The following LCORL variants were observed in gnomAD, a reference collection of about 807,000 sequenced individuals.
LCORL encodes the protein ligand-dependent nuclear receptor corepressor-like protein.
A neutral mutation model predicts 141.8 loss-of-function variants in LCORL; 41 were observed. The observed-to-expected ratio is 0.29, with a 90% CI of 0.23 to 0.38. The LOEUF (loss-of-function observed/expected upper bound fraction) is 0.38, where lower values mean the gene tolerates loss of function less well. Among genes scored for constraint, LCORL ranks in the 10% least tolerant of loss-of-function variants. The probability of loss-of-function intolerance (pLI) is 1.00; values close to 1 mark genes in which losing one functional copy is unlikely to be tolerated. For synonymous variants in LCORL, 618 were observed against 694.1 expected, an observed-to-expected ratio of 0.89 and a Z score of 1.72; for missense variants, 1,759 against 2,035.0, an observed-to-expected ratio of 0.86 and a Z score of 2.61.
intron 1 of LCORL, among the ~76,000 whole-genome samples, chr4:17,999,490 C>T (rs1721569881): frequency 6.6e-6 from 1 of 151,886 alleles, no homozygotes; most frequent in Non-Finnish European, 1.5e-5. Flanking sequence ...GAAGACATCA[C>T]TAGGTGATAG....
chr4:17,932,508 G>C (rs1217052118), intron 4 of LCORL, among the ~76,000 whole-genome samples: 3 of 152,106 alleles, frequency 2.0e-5, no homozygotes, highest in Non-Finnish European at 4.4e-5. Context: ...GTGACACTCA[G>C]TGAATTTTTC....
At chr4:17,864,951 C>T (rs1725466610) in intron 7 of LCORL, among the ~76,000 whole-genome samples, 1 of 152,200 alleles carries the variant, frequency 6.6e-6, no homozygotes, top group African/African-American at 2.4e-5. Context: ...TAAAAAGTAC[C>T]TAACAATTCT....
chr4:17,930,664 A>G (rs1171172716), intron 4 of LCORL, among the ~76,000 whole-genome samples: 8 of 152,100 alleles, frequency 5.3e-5, no homozygotes, highest in Admixed American at 5.2e-4. Context: ...GTCATGTATC[A>G]TTTTCTTAAT....
At chr4:17,942,639 T>C (rs1226436852) in intron 4 of LCORL, among the ~76,000 whole-genome samples, 1 of 152,172 alleles carries the variant, frequency 6.6e-6, no homozygotes, top group Non-Finnish European at 1.5e-5. Flanking sequence ...AAATCAATTA[T>C]CAAAACTCTA....
intron 4 of LCORL, among the ~76,000 whole-genome samples, chr4:17,943,628 G>T (rs1738337214): frequency 6.6e-6 from 1 of 152,240 alleles, no homozygotes; most frequent in South Asian, 2.1e-4. Context: ...GCGCTGCAAA[G>T]AATAAATACA....
chr4:17,900,346 T>C (rs1730683693), intron 5 of LCORL, among the ~76,000 whole-genome samples: 1 of 152,202 alleles, frequency 6.6e-6, no homozygotes, highest in Non-Finnish European at 1.5e-5. Context: ...GTTCCTCAAA[T>C]ATATCTGATA....
At chr4:17,916,643 C>CT (rs1057287592) in intron 4 of LCORL, among the ~76,000 whole-genome samples, 13,430 of 113,052 alleles carry the variant, frequency 0.12, 1,062 homozygotes, top group South Asian at 0.2. Flanking sequence ...AATTAAATGT[C>CT]TTTTTTTTTT....
At chr4:18,020,052 T>C (rs1004067367) in intron 1 of LCORL, among the ~76,000 whole-genome samples, 7 of 152,222 alleles carry the variant, frequency 4.6e-5, no homozygotes, top group Admixed American at 1.3e-4. Context: ...AAATACATTT[T>C]TCGTAAGGGC....
chr4:17,928,511 G>C (rs949440427), intron 4 of LCORL, among the ~76,000 whole-genome samples: 1 of 152,198 alleles, frequency 6.6e-6, no homozygotes, highest in Non-Finnish European at 1.5e-5. Context: ...TACATGTAGA[G>C]AAAGTCCTTG....
intron 4 of LCORL, among the ~76,000 whole-genome samples, chr4:17,912,671 G>A (rs543834662): frequency 2.0e-5 from 3 of 152,286 alleles, no homozygotes; most frequent in African/African-American, 7.2e-5. Context: ...TGGCCTGAGG[G>A]AGGTGGAGGC....
At chr4:17,953,280 T>A (rs1351289652) in intron 4 of LCORL, among the ~76,000 whole-genome samples, 1 of 152,200 alleles carries the variant, frequency 6.6e-6, no homozygotes, top group Non-Finnish European at 1.5e-5. Context: ...GATTGCTTGG[T>A]TGAATGGTAG....
chr4:17,883,721 T>C (rs1260750995), intron 6 of LCORL: 1 of 1,523,844 alleles, frequency 6.6e-7, no homozygotes, highest in South Asian at 1.3e-5. Context: ...ACAAGTAATC[T>C]ACACAGGCTT....
rs1010850539 is a variant in LCORL, at chr4:17,941,383, C to CG, written c.430+20519dup. Among the ~76,000 whole-genome samples the CG allele has an allele frequency of 1.6e-4, 24 of 151,780 alleles. 1 individual carries two copies. Among genetic ancestry groups the CG allele is most frequent in the African/African-American group, 5.1e-4 (21 of 41,370 alleles). ...CTGAGGCAGGAGAATGGTGTGAACT[C>CG]GGAAGGCGAAGCTTACGGTGAGCCG... is the stretch of plus-strand genomic sequence containing the variant. On this transcript the variant is annotated intron_variant, in intron 4 of 7. Coordinates refer to ENST00000635767, the Ensembl canonical transcript of LCORL.
chr4:17,990,103 T>TG (rs1416936891), intron 1 of LCORL, among the ~76,000 whole-genome samples: 1 of 149,736 alleles, frequency 6.7e-6, no homozygotes, highest in African/African-American at 2.5e-5. Flanking sequence ...TGCGTTTTTT[T>TG]TTTTTTTTTT....
intron 3 of LCORL, 129 bp downstream of exon 3, chr4:17,962,841 C>T: frequency 2.3e-6 from 1 of 435,006 alleles, no homozygotes; most frequent in Non-Finnish European, 4.2e-6. Context: ...ATATTATTTT[C>T]GTTTACCAAA....
intron 4 of LCORL, among the ~76,000 whole-genome samples, chr4:17,921,777 C>A (rs1364690390): frequency 3.9e-5 from 6 of 152,260 alleles, no homozygotes; most frequent in African/African-American, 1.4e-4. Flanking sequence ...AAGACCCACC[C>A]TCAGTCTGGG....
At chr4:17,978,536 G>T (rs146076833) in intron 1 of LCORL, among the ~76,000 whole-genome samples, 299 of 149,846 alleles carry the variant, frequency 2.0e-3, no homozygotes, top group African/African-American at 6.9e-3. Flanking sequence ...ATTGGAGTCT[G>T]AAGTGAGCTA....
rs571732463 is a variant in LCORL, at chr4:17,927,517, G to A, written c.431-18172C>T. Among the ~76,000 whole-genome samples, 4 of 152,274 alleles carry A rather than the reference G, an allele frequency of 2.6e-5. No individual in the cohort carries two copies. The South Asian group carries it at 6.2e-4, about 24-fold the overall frequency. ...TTTGGCCTATCCTGACTTTTGATAT[G>A]TCTTTCTCACTAAGCTTAGTCATTT... is the stretch of plus-strand genomic sequence containing the variant. On this transcript the variant is annotated intron_variant, in intron 4 of 7. Coordinates refer to ENST00000635767, the Ensembl canonical transcript of LCORL.
At chr4:17,914,659 G>A (rs1333212900) in intron 4 of LCORL, among the ~76,000 whole-genome samples, 2 of 152,154 alleles carry the variant, frequency 1.3e-5, no homozygotes, top group African/African-American at 4.8e-5. Context: ...GCAAATAACT[G>A]AAGATCTAGA....
Sources: allele counts gnomAD v4.1 joint callset (sites outside exome capture counted in the v4.1 genomes callset), GRCh38; gene constraint gnomAD v4.1.1; transcripts MANE v1.5; gene names NCBI Gene and HGNC (gene_info 2026-07-23, HGNC 2026-07-21).